The following ROBO2 variants were observed in gnomAD, a reference collection of about 807,000 sequenced individuals.
ROBO2 encodes the protein roundabout homolog 2.
Under a neutral mutation model 160.8 loss-of-function variants are expected in ROBO2, and 53 were observed. That is an observed-to-expected ratio of 0.33 (90% CI 0.26 to 0.41). ROBO2 has a LOEUF of 0.41. ROBO2 is among the 10% of genes least tolerant of loss of function. The pLI is 1.00. For synonymous variants in ROBO2, 664 were observed against 611.7 expected (o/e 1.09, Z -1.26); for missense variants, 1,577 against 1,722.4 (o/e 0.92, Z 1.49).
rs372145187 is a variant in ROBO2 at position 76,786,390 on chromosome 3, G to C, written c.110-311624G>C. On this transcript the variant is annotated intron_variant, in intron 2 of 26. Coordinates refer to the ROBO2 transcript ENST00000487694. ...GGTTCTGTGGGCTGTATAGGCTTCT[G>C]CTTCTGCATAGGTCTCAGGAAACTT... Among the ~76,000 whole-genome samples the C allele has an allele frequency of 8.8e-4, 133 of 151,460 alleles. 2 individuals are homozygous for C. The highest frequency in any genetic ancestry group is 3.1e-3 in the African/African-American group (127 of 41,436).
intron 2 of ROBO2, among the ~76,000 whole-genome samples, chr3:76,349,042 G>T (rs2074711629): frequency 6.6e-6 from 1 of 151,978 alleles, no homozygotes. Context: ...AGTTCCTAGG[G>T]GCCTTCTGGT....
At chr3:76,272,873 A>T (rs1205683127) in intron 2 of ROBO2, among the ~76,000 whole-genome samples, 3 of 72,242 alleles carry the variant, frequency 4.2e-5, no homozygotes, top group African/African-American at 1.3e-4. Flanking sequence ...TAAAATATAT[A>T]ATATATATTT....
intron 2 of ROBO2, among the ~76,000 whole-genome samples, chr3:75,959,478 C>T (rs886794039): frequency 1.3e-5 from 2 of 151,678 alleles, no homozygotes; most frequent in African/African-American, 2.4e-5. Flanking sequence ...GGAGCTACAG[C>T]GTAAAACATC....
chr3:77,161,311 C>T lies in ROBO2; in HGVS notation c.388+62971C>T, dbSNP rs537531259. On this transcript the variant is annotated intron_variant, in intron 2 of 25. Coordinates refer to ENST00000461745, the Ensembl canonical transcript of ROBO2. The stretch of plus-strand genomic sequence containing the variant: ...TCAGCACCATTTTATGCTTAATTTG[C>T]ATATGAAGCAATATGGGACTATTCA... Among the ~76,000 whole-genome samples, 68 of 152,324 alleles carry T rather than the reference C, an allele frequency of 4.5e-4. 1 individual carries two copies. Among genetic ancestry groups the T allele is most frequent in the African/African-American group, 1.6e-3 (67 of 41,570 alleles).
chr3:77,174,028 G>C (rs755848914), intron 2 of ROBO2, among the ~76,000 whole-genome samples: 4 of 152,032 alleles, frequency 2.6e-5, no homozygotes, highest in Non-Finnish European at 5.9e-5. Flanking sequence ...AGAAAGGATG[G>C]AAGTAAATGG....
intron 2 of ROBO2, among the ~76,000 whole-genome samples, chr3:77,236,373 T>G (rs2151321538): frequency 6.6e-6 from 1 of 152,288 alleles, no homozygotes; most frequent in Non-Finnish European, 1.5e-5. Flanking sequence ...TTCATCGGAC[T>G]TAAGGTCTGT....
chr3:76,790,398 A>C (rs1011677443), intron 2 of ROBO2, among the ~76,000 whole-genome samples: 2 of 151,758 alleles, frequency 1.3e-5, no homozygotes, highest in African/African-American at 4.8e-5. Context: ...ACAGTTTCAA[A>C]CATGACTGCA....
chr3:77,625,446 C>T (rs948457261), intron 23 of ROBO2, among the ~76,000 whole-genome samples: 2 of 151,702 alleles, frequency 1.3e-5, no homozygotes, highest in African/African-American at 2.4e-5. Context: ...GGCACGATCT[C>T]GGCTCACTGC....
intron 2 of ROBO2, among the ~76,000 whole-genome samples, chr3:76,306,842 C>T (rs1027392898): frequency 2.6e-5 from 4 of 152,124 alleles, no homozygotes; most frequent in African/African-American, 9.7e-5. Flanking sequence ...TATTTATTCC[C>T]ACTGTTTTCA....
intron 2 of ROBO2, among the ~76,000 whole-genome samples, chr3:77,218,512 A>G (rs1295708563): frequency 2.6e-5 from 4 of 151,490 alleles, no homozygotes; most frequent in Admixed American, 2.0e-4. Context: ...AGCTGGTATT[A>G]CAGGCACCCA....
chr3:76,017,804 T>C (rs984142240), intron 2 of ROBO2, among the ~76,000 whole-genome samples: 36 of 152,236 alleles, frequency 2.4e-4, no homozygotes, highest in African/African-American at 8.4e-4. Context: ...TTTAAAAAGA[T>C]GATTCACAGG....
chr3:76,472,019 G>A (rs1293756395), intron 2 of ROBO2, among the ~76,000 whole-genome samples: 1 of 151,714 alleles, frequency 6.6e-6, no homozygotes, highest in African/African-American at 2.4e-5. Flanking sequence ...ATTTGGGTGG[G>A]GACACAGCCA....
chr3:76,149,238 A>G (rs1039412978), intron 2 of ROBO2, among the ~76,000 whole-genome samples: 9 of 152,162 alleles, frequency 5.9e-5, no homozygotes, highest in Middle Eastern at 3.2e-3. Flanking sequence ...CCAAACTTGC[A>G]GACCCTTTCT....
At position 77,498,503 on chromosome 3, in the gene ROBO2, T is replaced by A. The variant is rs114834621; in HGVS notation, c.806+5121T>A. On this transcript the variant is annotated intron_variant, in intron 5 of 25. Transcript: ENST00000461745. ...AAAATTTCCTTTTCTAAAGTGCAAG[T>A]CTATTTTAAGAGAGAATTTTCAGAG... is the stretch of plus-strand genomic sequence containing the variant. Among the ~76,000 whole-genome samples the A allele has an allele frequency of 6.9e-3, 1,046 of 152,236 alleles. 18 individuals are homozygous for A. The highest frequency in any genetic ancestry group is 7.7e-3 in the Non-Finnish European group (521 of 68,002).
intron 2 of ROBO2, among the ~76,000 whole-genome samples, chr3:77,350,071 A>AT (rs34511297): frequency 0.011 from 1,652 of 150,808 alleles, 17 homozygotes; most frequent in Middle Eastern, 0.018. Context: ...CATTAAAAAA[A>AT]AATATATATA....
intron 2 of ROBO2, among the ~76,000 whole-genome samples, chr3:76,982,606 A>G (rs1488200318): frequency 1.3e-5 from 2 of 152,200 alleles, no homozygotes; most frequent in Admixed American, 1.3e-4. Flanking sequence ...AGTTTTGCTA[A>G]ATAAGTACAT....
chr3:76,808,620 A>G (rs1043782184), intron 2 of ROBO2, among the ~76,000 whole-genome samples: 2 of 152,160 alleles, frequency 1.3e-5, no homozygotes, highest in African/African-American at 4.8e-5. Context: ...GAATGATTAA[A>G]AAATGGGTTG....
At chr3:76,144,551 T>G (rs2071814353) in intron 2 of ROBO2, among the ~76,000 whole-genome samples, 1 of 152,080 alleles carries the variant, frequency 6.6e-6, no homozygotes, top group African/African-American at 2.4e-5. Flanking sequence ...TGTGAATTAA[T>G]TATAGGTTTT....
chr3:76,364,076 C>G (rs1283475310), intron 2 of ROBO2, among the ~76,000 whole-genome samples: 1 of 152,088 alleles, frequency 6.6e-6, no homozygotes, highest in East Asian at 1.9e-4. Flanking sequence ...TCAATTCTTA[C>G]CACTGCCTCC....
Sources: gnomAD v4.1 joint callset for allele counts (sites outside exome capture counted in the v4.1 genomes callset) on GRCh38, gnomAD v4.1.1 for gene constraint, MANE v1.5 for transcripts, NCBI Gene and HGNC (gene_info 2026-07-23, HGNC 2026-07-21) for gene names.